PTPRN2: variants seen among roughly 807,000 people sequenced by gnomAD.
The protein encoded by PTPRN2 is protein tyrosine phosphatase receptor type N2.
In PTPRN2, 74 loss-of-function variants were observed where a neutral mutation model predicts 118.8. That is an observed-to-expected ratio of 0.62 (90% CI 0.52 to 0.76). The LOEUF is 0.76. Among genes scored for constraint, PTPRN2 ranks in the 30% least tolerant of loss-of-function variants. The probability of loss-of-function intolerance (pLI) is 0.00; values close to 1 mark genes in which losing one functional copy is unlikely to be tolerated. For missense variants in PTPRN2, 1,481 were observed against 1,394.4 expected (o/e 1.06, Z -0.99); for synonymous variants, 641 against 608.0 (o/e 1.05, Z -0.80).
In PTPRN2 at chr7:157,993,484, G is replaced by GA. The variant is rs1367630146; in HGVS notation, c.1723+87813dup. ...CCATGACGCGTCCACCCAGGGCCAG[G>GA]AACCACAGAAGAGAAAGAGCAGTGG... On this transcript the variant is annotated intron_variant, in intron 11 of 22. Coordinates refer to ENST00000389418, the MANE Select transcript of PTPRN2 (RefSeq NM_002847.5). Among the ~76,000 whole-genome samples, 3 of 152,160 alleles carry GA rather than the reference G, an allele frequency of 2.0e-5. No individual in the cohort carries two copies. The South Asian group carries it at 6.2e-4, about 32-fold the overall frequency.
intron 1 of PTPRN2, among the ~76,000 whole-genome samples, chr7:158,534,403 A>G (rs948900669): frequency 2.0e-5 from 3 of 147,978 alleles, no homozygotes; most frequent in Non-Finnish European, 3.0e-5. Context: ...GCAGGTTGTG[A>G]CCACCCATGC....
At chr7:158,227,689 A>C (rs1828896452) in intron 3 of PTPRN2, among the ~76,000 whole-genome samples, 1 of 152,272 alleles carries the variant, frequency 6.6e-6, no homozygotes, top group African/African-American at 2.4e-5. Flanking sequence ...TTGCCCTCGC[A>C]TCAGCAAGGA....
chr7:157,991,977 C>T (rs74376286), intron 11 of PTPRN2, among the ~76,000 whole-genome samples: 2,678 of 152,274 alleles, frequency 0.018, 43 homozygotes, highest in Middle Eastern at 0.027. Flanking sequence ...ATCAGGCCAG[C>T]ACAGGCACAG....
At chr7:158,090,752 T>G (rs1814049876) in intron 10 of PTPRN2, among the ~76,000 whole-genome samples, 1 of 152,216 alleles carries the variant, frequency 6.6e-6, no homozygotes, top group Non-Finnish European at 1.5e-5. Flanking sequence ...AGGCCTTTTC[T>G]TAACTGAGGA....
chr7:157,866,682 G>T (rs1038084353), intron 12 of PTPRN2, among the ~76,000 whole-genome samples: 6 of 152,014 alleles, frequency 3.9e-5, no homozygotes, highest in Admixed American at 6.5e-5. Context: ...CGAGTCCCAG[G>T]CTCGCCCCAG....
At chr7:158,458,849 G>A (rs1268632406) in intron 2 of PTPRN2, among the ~76,000 whole-genome samples, 1 of 152,184 alleles carries the variant, frequency 6.6e-6, no homozygotes, top group Non-Finnish European at 1.5e-5. Context: ...CACACTAACC[G>A]TGGACACACC....
At chr7:157,620,201 G>A (rs1428562241) in intron 15 of PTPRN2, among the ~76,000 whole-genome samples, 4 of 152,182 alleles carry the variant, frequency 2.6e-5, no homozygotes, top group African/African-American at 9.7e-5. Flanking sequence ...TGGCGGGTGG[G>A]TTTATAACCA....
chr7:158,571,161 T>C (rs1005155590), intron 1 of PTPRN2, among the ~76,000 whole-genome samples: 1 of 152,224 alleles, frequency 6.6e-6, no homozygotes, highest in Non-Finnish European at 1.5e-5. Flanking sequence ...TTTTTTTAAT[T>C]ATGCCGTGTG....
Position 157,619,216 on chromosome 7 carries a change from C to T in PTPRN2, c.2344+2146G>A, listed in dbSNP as rs1803001968. 6.6e-6 allele frequency among the ~76,000 whole-genome samples: 1 copy of T among 152,148 alleles called. No individual in the cohort carries two copies. The highest frequency in any genetic ancestry group is 2.4e-5 in the African/African-American group (1 of 41,446). On this transcript the variant is annotated intron_variant, in intron 15 of 22. Transcript: ENST00000389418. The surrounding 1 kb of genome is among the most constrained non-coding windows in gnomAD (Gnocchi z 5.3). ...ATCGGCAGGTCGTTTCTGCCACGCT[C>T]CGGGCTGTCTTTGGGGAGGGCGTGC... is the stretch of plus-strand genomic sequence containing the variant.
rs150952603 is a variant in PTPRN2 at position 158,023,992 on chromosome 7, G to A, written c.1723+57306C>T. Among the ~76,000 whole-genome samples the A allele has an allele frequency of 2.5e-3, 384 of 152,288 alleles. 2 individuals are homozygous for A. Among genetic ancestry groups the A allele is most frequent in the African/African-American group, 8.9e-3 (370 of 41,564 alleles). On this transcript the variant is annotated intron_variant, in intron 11 of 22. Coordinates refer to ENST00000389418, the MANE Select transcript of PTPRN2 (RefSeq NM_002847.5). ...GCCTGGCACATGGGTTCTATATTTGGTAGATACCACCATTACCTCCAAACA... is the reference window on the plus strand; with the variant it reads ...GCCTGGCACATGGGTTCTATATTTGATAGATACCACCATTACCTCCAAACA...
At chr7:158,221,933 C>T (rs1228240421) in intron 3 of PTPRN2, among the ~76,000 whole-genome samples, 2 of 152,228 alleles carry the variant, frequency 1.3e-5, no homozygotes, top group East Asian at 3.9e-4. Context: ...ACAGACACTT[C>T]TTAAAAGAAG....
intron 5 of PTPRN2, among the ~76,000 whole-genome samples, chr7:158,186,309 T>C (rs1170813577): frequency 6.6e-6 from 1 of 152,136 alleles, no homozygotes; most frequent in Non-Finnish European, 1.5e-5. Flanking sequence ...CTCTGGCAGA[T>C]TTCTCCTGGG....
chr7:158,450,714 T>C (rs574185908), intron 2 of PTPRN2, among the ~76,000 whole-genome samples: 1 of 152,342 alleles, frequency 6.6e-6, no homozygotes, highest in East Asian at 1.9e-4. Context: ...ACTGTTCCAT[T>C]GTATGAAAAT....
intron 3 of PTPRN2, among the ~76,000 whole-genome samples, chr7:158,291,739 C>T (rs749130917): frequency 7.9e-5 from 12 of 152,178 alleles, no homozygotes; most frequent in Admixed American, 3.9e-4. Context: ...CTTTGTAACT[C>T]GATTCTTGAC....
rs1563535279 is a variant in PTPRN2, at chr7:158,159,088, CGCGGGAGAA to C, written c.910+7834_910+7842del. On this transcript the variant is annotated intron_variant, in intron 6 of 22. Transcript: ENST00000389418. ...AGGGCTTCCTGAATGAATGAGTGAA[CGCGGGAGAA>C]TCAGGAGCCCGTGTGATTGGCCAGG... Among the ~76,000 whole-genome samples the C allele has an allele frequency of 6.2e-3, 210 of 33,950 alleles. 57 individuals are homozygous for C. The highest frequency in any genetic ancestry group is 7.8e-3 in the African/African-American group (48 of 6,168). The allele number at this position is 33,950 out of a possible 152,430, so 22.3% of individuals were successfully genotyped here.
At chr7:158,249,721 C>T (rs946721214) in intron 3 of PTPRN2, among the ~76,000 whole-genome samples, 1 of 152,198 alleles carries the variant, frequency 6.6e-6, no homozygotes, top group Admixed American at 6.5e-5. Flanking sequence ...AAGCCCCATC[C>T]CCTGGGGACT....
At position 157,829,268 on chromosome 7, in the gene PTPRN2, C is replaced by T. The variant is rs111463552; in HGVS notation, c.1788+69405G>A. 5.7e-4 allele frequency among the ~76,000 whole-genome samples: 87 copies of T among 152,290 alleles called. 1 individual carries two copies. Among genetic ancestry groups the T allele is most frequent in the African/African-American group, 2.1e-3 (86 of 41,568 alleles). Reference sequence around the variant, plus strand: ...AAAAGGCAAGGGTCCCGTCTTGCTGCGAGTGTTGGGGCAGGTGCTATCTGA... The same window carrying T: ...AAAAGGCAAGGGTCCCGTCTTGCTGTGAGTGTTGGGGCAGGTGCTATCTGA... On this transcript the variant is annotated intron_variant, in intron 12 of 22. Coordinates refer to ENST00000389418, the MANE Select transcript of PTPRN2 (RefSeq NM_002847.5).
rs201531696 is a variant in PTPRN2, at chr7:158,208,410, TAAAC to T, written c.278-3141_278-3138del. Reference sequence around the variant, plus strand: ...GAATCCTAAAATCTGCAAAAGAAAATAAACAAACAAACAAAAATACAATGGAGCT... The same window carrying T: ...GAATCCTAAAATCTGCAAAAGAAAATAAACAAACAAAAATACAATGGAGCT... On this transcript the variant is annotated intron_variant, in intron 3 of 22. Coordinates refer to ENST00000389418, the MANE Select transcript of PTPRN2 (RefSeq NM_002847.5). Among the ~76,000 whole-genome samples the T allele has an allele frequency of 3.3e-3, 508 of 151,804 alleles. 21 individuals are homozygous for T. Among genetic ancestry groups the T allele is most frequent in the Admixed American group, 0.03 (452 of 15,258 alleles).
intron 2 of PTPRN2, among the ~76,000 whole-genome samples, chr7:158,441,244 AGGTGAT>A (rs796968502): frequency 0.016 from 970 of 59,356 alleles, 39 homozygotes; most frequent in South Asian, 0.065. Flanking sequence ...ATGGCAATGA[AGGTGAT>A]GGTGATGGTG....
Sources: allele counts gnomAD v4.1 joint callset (sites outside exome capture counted in the v4.1 genomes callset), GRCh38; gene constraint gnomAD v4.1.1; non-coding constraint Gnocchi (gnomAD v3.1); transcripts MANE v1.5; gene names NCBI Gene and HGNC (gene_info 2026-07-23, HGNC 2026-07-21).